The following NPAS2 variants were observed in gnomAD, a reference collection of about 807,000 sequenced individuals.
NPAS2 encodes neuronal PAS domain protein 2.
In NPAS2, 23 loss-of-function variants were observed where a neutral mutation model predicts 107.5. That is an observed-to-expected ratio of 0.21 (90% CI 0.15 to 0.30). The LOEUF (loss-of-function observed/expected upper bound fraction) is 0.30. NPAS2 is among the 10% of genes least tolerant of loss of function. NPAS2 has a pLI of 1.00. For synonymous variants in NPAS2, 403 were observed against 417.5 expected (o/e 0.97, Z 0.42); for missense variants, 756 against 1,043.3 (o/e 0.72, Z 3.79).
At chr2:100,918,742 C>A (rs987231647) in intron 2 of NPAS2, among the ~76,000 whole-genome samples, 1 of 152,186 alleles carries the variant, frequency 6.6e-6, no homozygotes, top group Non-Finnish European at 1.5e-5. Flanking sequence ...AAAGTACTGA[C>A]AATATTAATT....
At chr2:100,874,545 C>T (rs942638545) in intron 1 of NPAS2, among the ~76,000 whole-genome samples, 1 of 151,950 alleles carries the variant, frequency 6.6e-6, no homozygotes, top group Admixed American at 6.6e-5. Flanking sequence ...AGTTCGAGAC[C>T]AGCCTGACCA....
Position 100,820,996 on chromosome 2 carries a change from C to G in NPAS2, c.-23+582C>G. The G allele has an allele frequency of 1.6e-5, 21 of 1,281,156 alleles. No homozygotes were observed. Among genetic ancestry groups the G allele is most frequent in the Non-Finnish European group, 2.2e-5 (21 of 975,740 alleles). The allele number at this position is 1,281,156 out of a possible 1,614,324, so 79.4% of individuals were successfully genotyped here. On this transcript the variant is annotated intron_variant, in intron 1 of 20. Transcript: ENST00000335681. The surrounding 1 kb of genome is among the most constrained non-coding windows in gnomAD (Gnocchi z 5.6). ...TGGCTCCTCACGTCGCTGCCGCCCC[C>G]CCACCCCAACTCCGGAGCTCCCCAG...
At chr2:100,881,217 CTG>C (rs2104633204) in intron 1 of NPAS2, among the ~76,000 whole-genome samples, 1 of 152,356 alleles carries the variant, frequency 6.6e-6, no homozygotes, top group African/African-American at 2.4e-5. Flanking sequence ...GTTTTAATGA[CTG>C]TGGTGCCTGC....
chr2:100,853,470 G>A (rs189825205), intron 1 of NPAS2, among the ~76,000 whole-genome samples: 2 of 152,270 alleles, frequency 1.3e-5, no homozygotes, highest in South Asian at 2.1e-4. Context: ...TTGCTGTCAC[G>A]CTGGGAATAC....
chr2:100,971,455 C>T (rs1200884318), intron 12 of NPAS2, among the ~76,000 whole-genome samples: 1 of 152,154 alleles, frequency 6.6e-6, no homozygotes, highest in African/African-American at 2.4e-5. Context: ...GTTCCTCCCT[C>T]CCCGGCTGGG....
chr2:100,916,686 A>G (rs181389254), intron 2 of NPAS2, among the ~76,000 whole-genome samples: 1 of 152,326 alleles, frequency 6.6e-6, no homozygotes, highest in East Asian at 1.9e-4. Flanking sequence ...GCAAGGATAT[A>G]GAAGAACTGA....
At chr2:100,928,654 CAAAAT>C (rs1683738515) in intron 3 of NPAS2, among the ~76,000 whole-genome samples, 1 of 152,160 alleles carries the variant, frequency 6.6e-6, no homozygotes, top group African/African-American at 2.4e-5. Flanking sequence ...ATTTCATATT[CAAAAT>C]AAAGCAGAAA....
intron 20 of NPAS2, chr2:100,994,040 AGCAAGT>A (rs1678299004): frequency 6.6e-6 from 1 of 152,478 alleles, no homozygotes; most frequent in Non-Finnish European, 1.5e-5. Context: ...AATTACTTCA[AGCAAGT>A]GCCAAGTATG....
chr2:100,990,893 G>A, intron 19 of NPAS2, 21 bp downstream of exon 19: 1 of 1,607,230 alleles, frequency 6.2e-7, no homozygotes, highest in Non-Finnish European at 8.5e-7. Context: ...CCTGGCGGGA[G>A]GCAGGAGGCA....
chr2:100,912,410 G>A (rs1160446684), intron 2 of NPAS2, among the ~76,000 whole-genome samples: 6 of 152,164 alleles, frequency 3.9e-5, no homozygotes, highest in Admixed American at 2.0e-4. Context: ...GTATCAGTGT[G>A]TCTTTGGTTT....
intron 1 of NPAS2, among the ~76,000 whole-genome samples, chr2:100,842,064 T>C (rs1488637217): frequency 9.8e-6 from 1 of 101,658 alleles, no homozygotes; most frequent in Non-Finnish European, 2.5e-5. Flanking sequence ...TGTTCATGCA[T>C]GAGTGTGCAT....
At position 100,975,904 on chromosome 2, in the gene NPAS2, C is replaced by T. The variant is rs756965955; in HGVS notation, c.1392+337C>T. 1.7e-4 allele frequency among the ~76,000 whole-genome samples: 26 copies of T among 152,312 alleles called. No individual in the cohort carries two copies. In the Middle Eastern group the frequency reaches 0.02, roughly 120 times the overall value. ...GATTCTTCTGTTTTGAATCCCCTTT[C>T]ATGCTGGTGAAAATATTTGAGCAGC... On this transcript the variant is annotated intron_variant, in intron 14 of 20. Coordinates refer to ENST00000335681, the MANE Select transcript of NPAS2 (RefSeq NM_002518.4).
intron 3 of NPAS2, among the ~76,000 whole-genome samples, chr2:100,926,929 CT>C (rs992375983): frequency 7.0e-6 from 1 of 143,362 alleles, no homozygotes; most frequent in Non-Finnish European, 1.5e-5. Context: ...AACCTTTTTT[CT>C]TTTTTTCTTT....
At position 100,964,106 on chromosome 2, in the gene NPAS2, G is replaced by T. The variant is rs1676074779; in HGVS notation, c.647G>T (p.Cys216Phe). The change falls in exon 8 of 21, where the codon TGC becomes TTC. Residue 216 changes from cysteine (C) to phenylalanine (F), a missense_variant. By Grantham distance (205) the Cys-to-Phe change is radical. Coordinates refer to ENST00000335681, the MANE Select transcript of NPAS2 (RefSeq NM_002518.4). Reference sequence around the variant, plus strand: ...TTTGACAACACCCTTTCAAGACCTTGCCGGGTGCCACTAGGAAAGGAGGTT... The same window carrying T: ...TTTGACAACACCCTTTCAAGACCTTTCCGGGTGCCACTAGGAAAGGAGGTT... ...NGFDNTLSRP[C>F]RVPLGKEVCF... 6.2e-7 allele frequency: 1 copy of T among 1,613,986 alleles called. No individual in the cohort carries two copies. Among genetic ancestry groups the T allele is most frequent in the Non-Finnish European group, 8.5e-7 (1 of 1,180,014 alleles).
In NPAS2 at chr2:100,878,682, T is replaced by A. The variant is rs1051541948; in HGVS notation, c.-22-26051T>A. 7.6e-6 allele frequency: 7 copies of A among 917,756 alleles called. No individual in the cohort carries two copies. The South Asian group carries it at 2.5e-4, about 33-fold the overall frequency. The allele number at this position is 917,756 out of a possible 1,614,324, so 56.9% of individuals were successfully genotyped here. Reference sequence around the variant, plus strand: ...AAAAAGTTTTCTAATTTTGGTGGCATTGATTTTGTAGATTCTCACTGATAC... The same window carrying A: ...AAAAAGTTTTCTAATTTTGGTGGCAATGATTTTGTAGATTCTCACTGATAC... On this transcript the variant is annotated intron_variant, in intron 1 of 20. Coordinates refer to ENST00000335681, the MANE Select transcript of NPAS2 (RefSeq NM_002518.4).
chr2:100,952,148 TC>T, intron 7 of NPAS2, among the ~76,000 whole-genome samples: 1 of 126,380 alleles, frequency 7.9e-6, no homozygotes, highest in African/African-American at 3.0e-5. Context: ...CAAGACTCTG[TC>T]TCAAAAAAAA....
rs974594470 is a variant in NPAS2 at position 100,965,283 on chromosome 2, T to C, written c.800+340T>C. On this transcript the variant is annotated intron_variant, in intron 9 of 20. Coordinates refer to ENST00000335681, the MANE Select transcript of NPAS2 (RefSeq NM_002518.4). This position sits in a 1 kb window ranked among gnomAD's most constrained non-coding sequence, Gnocchi z 4.3. ...AACATCCTTTGATCTTTTAGCCCAA[T>C]CTTTACTGTTTCTTTTGTAACATTA... is the stretch of plus-strand genomic sequence containing the variant. Among the ~76,000 whole-genome samples the C allele has an allele frequency of 6.6e-6, 1 of 152,196 alleles. No individual in the cohort carries two copies. Among genetic ancestry groups the C allele is most frequent in the East Asian group, 1.9e-4 (1 of 5,192 alleles).
At chr2:100,915,560 A>G (rs1682832001) in intron 2 of NPAS2, among the ~76,000 whole-genome samples, 1 of 152,200 alleles carries the variant, frequency 6.6e-6, no homozygotes, top group Admixed American at 6.5e-5. Flanking sequence ...CCCAAGGTCT[A>G]TGACTGGCCA....
chr2:100,874,338 T>A (rs1435914798), intron 1 of NPAS2, among the ~76,000 whole-genome samples: 2 of 152,152 alleles, frequency 1.3e-5, no homozygotes. Context: ...ATTGGTCATG[T>A]TTGATTTTGC....
Sources: gnomAD v4.1 joint callset for allele counts (sites outside exome capture counted in the v4.1 genomes callset) on GRCh38, gnomAD v4.1.1 for gene constraint, Gnocchi (gnomAD v3.1) non-coding constraint, MANE v1.5 for transcripts, NCBI Gene and HGNC (gene_info 2026-07-23, HGNC 2026-07-21) for gene names.